Variants in PTPRT observed in about 807,000 individuals in gnomAD.
The protein encoded by PTPRT is protein tyrosine phosphatase receptor type T, also known as receptor-type tyrosine-protein phosphatase T.
PTPRT carries 56 observed loss-of-function variants against 176.8 expected under a neutral mutation model. That is an observed-to-expected ratio of 0.32 (90% CI 0.26 to 0.40). PTPRT has a LOEUF of 0.40. Among genes scored for constraint, PTPRT ranks in the 10% least tolerant of loss-of-function variants. The probability of loss-of-function intolerance (pLI) is 1.00; values close to 1 mark genes in which losing one functional copy is unlikely to be tolerated. For missense variants in PTPRT, 1,540 were observed against 1,908.2 expected, an observed-to-expected ratio of 0.81 and a Z score of 3.60; for synonymous variants, 783 against 739.0, an observed-to-expected ratio of 1.06 and a Z score of -0.96.
chr20:43,102,675 C>T (rs935946778), intron 1 of PTPRT, among the ~76,000 whole-genome samples: 1 of 152,094 alleles, frequency 6.6e-6, no homozygotes, highest in Non-Finnish European at 1.5e-5. Flanking sequence ...GAGAATCATC[C>T]CTACTTCCTT....
chr20:42,054,069 T>C, the PTPRT span, among the ~76,000 whole-genome samples: 15 of 152,156 alleles, frequency 9.9e-5, no homozygotes, highest in African/African-American at 3.1e-4. Flanking sequence ...AGAATAATTA[T>C]ATTGGCTGGA....
chr20:42,656,060 C>T (rs2075120266), intron 7 of PTPRT, among the ~76,000 whole-genome samples: 1 of 152,110 alleles, frequency 6.6e-6, no homozygotes, highest in Non-Finnish European at 1.5e-5. Context: ...GTTCTCAATG[C>T]ACATGAGCTG....
At chr20:42,264,999 C>A (rs1167349580) in intron 13 of PTPRT, among the ~76,000 whole-genome samples, 3 of 152,198 alleles carry the variant, frequency 2.0e-5, no homozygotes, top group Admixed American at 2.0e-4. Flanking sequence ...ACCTCAATTT[C>A]CTCATCTGTA....
intron 5 of PTPRT, among the ~76,000 whole-genome samples, chr20:42,762,297 G>A (rs1440930569): frequency 6.6e-6 from 1 of 152,226 alleles, no homozygotes; most frequent in East Asian, 1.9e-4. Flanking sequence ...TCACCTAGAG[G>A]GTAATTTAGG....
intron 17 of PTPRT, among the ~76,000 whole-genome samples, chr20:42,144,606 C>T (rs191836785): frequency 1.2e-4 from 19 of 152,142 alleles, no homozygotes; most frequent in East Asian, 3.9e-4. Flanking sequence ...ACAGGGAGGA[C>T]GGGCAGTTAA....
chr20:43,017,737 G>A (rs1173891350), intron 1 of PTPRT, among the ~76,000 whole-genome samples: 1 of 152,212 alleles, frequency 6.6e-6, no homozygotes, highest in East Asian at 1.9e-4. Context: ...CCATCTGCCA[G>A]AGCTCCTGTG....
At chr20:42,105,902 C>A in intron 24 of PTPRT, among the ~76,000 whole-genome samples, 1 of 152,200 alleles carries the variant, frequency 6.6e-6, no homozygotes, top group East Asian at 1.9e-4. Context: ...GTCGCCCAGG[C>A]ACCCAGAGCC....
intron 9 of PTPRT, among the ~76,000 whole-genome samples, chr20:42,352,977 G>A (rs955929965): frequency 6.6e-6 from 1 of 152,064 alleles, no homozygotes; most frequent in African/African-American, 2.4e-5. Flanking sequence ...AACACATCTT[G>A]TTGAACCCAG....
intron 8 of PTPRT, among the ~76,000 whole-genome samples, chr20:42,457,415 T>C (rs902961729): frequency 2.0e-5 from 3 of 152,192 alleles, no homozygotes; most frequent in African/African-American, 7.2e-5. Flanking sequence ...AAAAATCTTG[T>C]TTCTTGCTTC....
intron 29 of PTPRT, among the ~76,000 whole-genome samples, chr20:42,084,030 A>G (rs564281240): frequency 5.3e-5 from 8 of 152,332 alleles, no homozygotes; most frequent in South Asian, 4.1e-4. Flanking sequence ...TTCACTTTCT[A>G]TTTCATGCCA....
chr20:42,272,262 A>G (rs1313137489), intron 13 of PTPRT, among the ~76,000 whole-genome samples: 1 of 152,182 alleles, frequency 6.6e-6, no homozygotes, highest in Non-Finnish European at 1.5e-5. Context: ...ACATATTCTT[A>G]TATGTATGGT....
intron 1 of PTPRT, among the ~76,000 whole-genome samples, chr20:42,896,767 A>G (rs141901092): frequency 1.1e-4 from 16 of 152,192 alleles, no homozygotes; most frequent in African/African-American, 3.9e-4. Flanking sequence ...CTCTGTGGAC[A>G]CATATTCCAA....
In PTPRT at chr20:42,675,400, C is replaced by T. The variant is rs191234339; in HGVS notation, c.1153+2466G>A. 4.0e-3 allele frequency among the ~76,000 whole-genome samples: 612 copies of T among 152,234 alleles called. 7 individuals are homozygous for T. The Middle Eastern group carries it at 0.044, about 11-fold the overall frequency. On this transcript the variant is annotated intron_variant, in intron 7 of 30. Coordinates refer to ENST00000373187, the MANE Select transcript of PTPRT (RefSeq NM_007050.6). ...AAATTCATTTATGTTTTATATATAT[C>T]GTAGGCAATCTTACATAATATTTTA... is the stretch of plus-strand genomic sequence containing the variant.
intron 15 of PTPRT, among the ~76,000 whole-genome samples, chr20:42,235,254 A>T (rs532787738): frequency 1.9e-4 from 28 of 150,328 alleles, no homozygotes; most frequent in South Asian, 8.4e-4. Flanking sequence ...GTTGTTATTT[A>T]TTATTATTAT....
chr20:43,085,793 G>T (rs892323814), intron 1 of PTPRT, among the ~76,000 whole-genome samples: 5 of 152,150 alleles, frequency 3.3e-5, no homozygotes, highest in African/African-American at 9.7e-5. Flanking sequence ...TTCAAGATGA[G>T]ATTTGGGTGG....
chr20:42,563,556 A>G (rs775329612), intron 7 of PTPRT, among the ~76,000 whole-genome samples: 12 of 152,258 alleles, frequency 7.9e-5, no homozygotes, highest in Non-Finnish European at 1.6e-4. Context: ...CAGCCTGTTC[A>G]TAACAGAAGT....
intron 1 of PTPRT, chr20:42,966,552 T>C (rs894828506): frequency 6.6e-6 from 1 of 152,100 alleles, no homozygotes; most frequent in Non-Finnish European, 1.5e-5. Context: ...CAACAGAAGG[T>C]ACCGCCCAAC....
intron 11 of PTPRT, among the ~76,000 whole-genome samples, chr20:42,317,927 C>G (rs375648398): frequency 2.6e-5 from 4 of 152,064 alleles, no homozygotes; most frequent in African/African-American, 9.7e-5. Context: ...GAGTGACATG[C>G]GAGTGGATGT....
intron 6 of PTPRT, among the ~76,000 whole-genome samples, chr20:42,714,104 G>A (rs935460280): frequency 6.6e-5 from 10 of 152,204 alleles, no homozygotes; most frequent in African/African-American, 2.2e-4. Flanking sequence ...CCATGCAGCT[G>A]TTGGGTGAGC....
Sources: gnomAD v4.1 joint callset for allele counts (sites outside exome capture counted in the v4.1 genomes callset) on GRCh38, gnomAD v4.1.1 for gene constraint, MANE v1.5 for transcripts, NCBI Gene and HGNC (gene_info 2026-07-23, HGNC 2026-07-21) for gene names.